TFCP2L1: variants seen among roughly 807,000 people sequenced by gnomAD.
TFCP2L1 encodes transcription factor CP2-like protein 1.
A neutral mutation model predicts 72.2 loss-of-function variants in TFCP2L1; 12 were observed. That is an observed-to-expected ratio of 0.17 (90% confidence interval 0.11 to 0.27). The LOEUF is 0.27. Among genes scored for constraint, TFCP2L1 ranks in the 10% least tolerant of loss-of-function variants. The pLI, the probability that TFCP2L1 is intolerant of heterozygous loss-of-function variation, is 1.00. For missense variants in TFCP2L1, 488 were observed against 624.6 expected, an observed-to-expected ratio of 0.78 and a Z score of 2.33; for synonymous variants, 260 against 251.0, an observed-to-expected ratio of 1.04 and a Z score of -0.34.
At chr2:121,233,490 G>A (rs1043673138) in intron 12 of TFCP2L1, among the ~76,000 whole-genome samples, 1 of 152,184 alleles carries the variant, frequency 6.6e-6, no homozygotes, top group African/African-American at 2.4e-5. Context: ...TAGAGATTTG[G>A]TCTTGGTATA....
At chr2:121,272,088 A>G (rs1265350980) in intron 2 of TFCP2L1, among the ~76,000 whole-genome samples, 1 of 152,164 alleles carries the variant, frequency 6.6e-6, no homozygotes, top group Non-Finnish European at 1.5e-5. Context: ...ACTCCAAGAA[A>G]AAGCAGCCAG....
intron 2 of TFCP2L1, among the ~76,000 whole-genome samples, chr2:121,265,967 G>A (rs1422199221): frequency 1.3e-5 from 2 of 151,116 alleles, no homozygotes; most frequent in South Asian, 2.1e-4. Context: ...CGGGGTTGAA[G>A]CGATTTTCCC....
rs1176523953 is a variant in TFCP2L1, at chr2:121,221,666, G to C, written c.*2675C>G. ...GTATAGTTCTTAGAAGAAAACACAG[G>C]CATTAATCTTCTTGACCTTGGATTA... On this transcript the variant is annotated 3_prime_UTR_variant, in exon 15 of 15. Transcript: ENST00000263707. 1 of 152,010 alleles carries C rather than the reference G, an allele frequency of 6.6e-6. No individual in the cohort carries two copies. Among genetic ancestry groups the C allele is most frequent in the African/African-American group, 2.4e-5 (1 of 41,382 alleles). 9.4% of individuals were successfully genotyped at this position (152,010 alleles called of 1,614,324 possible).
rs1685909067 is a variant in TFCP2L1 at position 121,220,447 on chromosome 2, T to A, written c.*3894A>T. On this transcript the variant is annotated 3_prime_UTR_variant, in exon 15 of 15. Coordinates refer to ENST00000263707, the MANE Select transcript of TFCP2L1 (RefSeq NM_014553.3). ...GACAACCTGGTAAACAGGAAAGGGTTTATCTCAACCTTGCAGATACCCCGC... is the reference window on the plus strand; with the variant it reads ...GACAACCTGGTAAACAGGAAAGGGTATATCTCAACCTTGCAGATACCCCGC... 6.6e-6 allele frequency: 1 copy of A among 152,204 alleles called. No homozygotes were observed. Among genetic ancestry groups the A allele is most frequent in the Non-Finnish European group, 1.5e-5 (1 of 68,040 alleles). 9.4% of individuals were successfully genotyped at this position (152,204 alleles called of 1,614,324 possible). A position where few individuals can be genotyped will look rare whatever the true frequency, so the allele number is the denominator to read the frequency against.
rs1441617834 is a variant in TFCP2L1, at chr2:121,223,349, TACAA to T, written c.*988_*991del. 6.6e-6 allele frequency: 1 copy of T among 152,170 alleles called. No homozygotes were observed. Among genetic ancestry groups the T allele is most frequent in the African/African-American group, 2.4e-5 (1 of 41,444 alleles). 9.4% of individuals were successfully genotyped at this position (152,170 alleles called of 1,614,324 possible). ...GGCAAAATATCCTAAACATAGCCTC[TACAA>T]ACAAAGATAAACATGTAAGTGAGGG... is the stretch of plus-strand genomic sequence containing the variant. On this transcript the variant is annotated 3_prime_UTR_variant, in exon 15 of 15. Coordinates refer to ENST00000263707, the MANE Select transcript of TFCP2L1 (RefSeq NM_014553.3).
At chr2:121,256,240 C>T (rs922797597) in intron 2 of TFCP2L1, among the ~76,000 whole-genome samples, 1 of 152,144 alleles carries the variant, frequency 6.6e-6, no homozygotes, top group Non-Finnish European at 1.5e-5. Context: ...CACTAGTCCC[C>T]CTGAAACACA....
intron 2 of TFCP2L1, among the ~76,000 whole-genome samples, chr2:121,250,781 AT>A (rs1686593945): frequency 6.6e-6 from 1 of 151,222 alleles, no homozygotes; most frequent in African/African-American, 2.4e-5. Context: ...TAATTTTTGT[AT>A]TTTTAGTAGA....
At chr2:121,249,169 C>T in intron 3 of TFCP2L1, 82 bp from the exon 4 acceptor site, 1 of 1,117,062 alleles carries the variant, frequency 9.0e-7, no homozygotes, top group East Asian at 2.8e-5. Flanking sequence ...CCACAGTAAA[C>T]CCTCCCACCT....
rs1433816442 is a variant in TFCP2L1 at position 121,219,740 on chromosome 2, G to C, written c.*4601C>G. On this transcript the variant is annotated 3_prime_UTR_variant, in exon 15 of 15. Transcript: ENST00000263707. Reference sequence around the variant, plus strand: ...CCCACCTCGGCCTCCCAAAATGCTAGGATTAGAGGCATGGGCCACCACGTC... The same window carrying C: ...CCCACCTCGGCCTCCCAAAATGCTACGATTAGAGGCATGGGCCACCACGTC... 2 of 152,212 alleles carry C rather than the reference G, an allele frequency of 1.3e-5. No individual in the cohort carries two copies. Among genetic ancestry groups the C allele is most frequent in the African/African-American group, 2.4e-5 (1 of 41,450 alleles). The allele number at this position is 152,212 out of a possible 1,614,324, so 9.4% of individuals were successfully genotyped here.
At chr2:121,276,872 A>G (rs1366171973) in intron 2 of TFCP2L1, among the ~76,000 whole-genome samples, 1 of 152,100 alleles carries the variant, frequency 6.6e-6, no homozygotes, top group African/African-American at 2.4e-5. Flanking sequence ...TCTTTTAAGC[A>G]TAAAAGAAAA....
chr2:121,281,218 T>C lies in TFCP2L1; in HGVS notation c.116A>G (p.Glu39Gly). Residue 39 changes from glutamate (E) to glycine (G), a missense_variant, in exon 2 of 15, where the codon GAG (glutamate) becomes GGG (glycine). Glu to Gly is a moderately conservative substitution (Grantham distance 98). Transcript: ENST00000263707. ...FKQEEPQLSP[E>G]NEARLPPLQY... ...CAGGGGTGGCAGGCGGGCCTCGTTC[T>C]CGGGGGACAGCTGGGGTTCCTCCTG... 1 of 1,612,700 alleles carries C rather than the reference T, an allele frequency of 6.2e-7. No homozygotes were observed. The highest frequency in any genetic ancestry group is 8.5e-7 in the Non-Finnish European group (1 of 1,179,702).
chr2:121,246,766 C>T (rs1207667923), intron 6 of TFCP2L1, 52 bp downstream of exon 6: 7 of 1,608,054 alleles, frequency 4.4e-6, no homozygotes, highest in Middle Eastern at 1.7e-4. Context: ...GCGAATGTGA[C>T]CACAGGCCAG....
intron 8 of TFCP2L1, among the ~76,000 whole-genome samples, chr2:121,238,313 C>T (rs190970207): frequency 2.0e-5 from 3 of 152,278 alleles, no homozygotes; most frequent in Admixed American, 6.5e-5. Flanking sequence ...AAGAATCCCA[C>T]GGGGAGTTAT....
chr2:121,266,867 A>AT (rs1460043893), intron 2 of TFCP2L1, among the ~76,000 whole-genome samples: 1 of 123,696 alleles, frequency 8.1e-6, no homozygotes, highest in Non-Finnish European at 1.7e-5. Context: ...TGATTTTAAT[A>AT]TAATTATTTT....
chr2:121,246,004 C>A (rs1686472440), intron 6 of TFCP2L1, among the ~76,000 whole-genome samples: 1 of 152,214 alleles, frequency 6.6e-6, no homozygotes, highest in African/African-American at 2.4e-5. Context: ...GGAATGAGCA[C>A]CAGGGCTGGT....
At chr2:121,263,951 T>C (rs974855443) in intron 2 of TFCP2L1, among the ~76,000 whole-genome samples, 5 of 151,700 alleles carry the variant, frequency 3.3e-5, no homozygotes, top group Non-Finnish European at 5.9e-5. Flanking sequence ...TTTGAAAACA[T>C]GAAGAAAAAA....
At chr2:121,243,233 C>T (rs1048540244) in intron 6 of TFCP2L1, among the ~76,000 whole-genome samples, 4 of 152,232 alleles carry the variant, frequency 2.6e-5, no homozygotes, top group Non-Finnish European at 4.4e-5. Flanking sequence ...CTCCGAGCAG[C>T]GCTAGAACCG....
Position 121,219,597 on chromosome 2 carries a change from C to T in TFCP2L1, c.*4744G>A, listed in dbSNP as rs528296590. On this transcript the variant is annotated 3_prime_UTR_variant, in exon 15 of 15. Transcript: ENST00000263707. Reference sequence around the variant, plus strand: ...ACTGTGTACAACCAGGATGGGCACACGTAAAGGTCTCCTGCCTGTTGTGCA... The same window carrying T: ...ACTGTGTACAACCAGGATGGGCACATGTAAAGGTCTCCTGCCTGTTGTGCA... 2 of 152,308 alleles carry T rather than the reference C, an allele frequency of 1.3e-5. No homozygotes were observed. Among genetic ancestry groups the T allele is most frequent in the East Asian group, 1.9e-4 (1 of 5,184 alleles). The allele number at this position is 152,308 out of a possible 1,614,324, so 9.4% of individuals were successfully genotyped here.
At chr2:121,257,693 CACTATTCA>C (rs1686755260) in intron 2 of TFCP2L1, among the ~76,000 whole-genome samples, 1 of 152,248 alleles carries the variant, frequency 6.6e-6, no homozygotes, top group African/African-American at 2.4e-5. Context: ...AGACCGCCCA[CACTATTCA>C]ACTCTGCCAC....
Sources: allele counts gnomAD v4.1 joint callset (sites outside exome capture counted in the v4.1 genomes callset), GRCh38; gene constraint gnomAD v4.1.1; transcripts MANE v1.5; gene names NCBI Gene and HGNC (gene_info 2026-07-23, HGNC 2026-07-21).